UCHL3: variants seen among roughly 807,000 people sequenced by gnomAD.
UCHL3 encodes the protein ubiquitin carboxyl-terminal hydrolase isozyme L3.
A neutral mutation model predicts 35.8 loss-of-function variants in UCHL3; 22 were observed. The ratio of observed to expected loss-of-function variants is 0.61; its 90% confidence interval spans 0.44 to 0.88. The LOEUF is 0.88. UCHL3 is among the 40% of genes least tolerant of loss of function. UCHL3 has a pLI of 0.00. For missense variants in UCHL3, 229 were observed against 276.9 expected (o/e 0.83, Z 1.23); for synonymous variants, 90 against 92.8 (o/e 0.97, Z 0.17).
At chr13:75,603,381 G>C (rs550905231) in intron 7 of UCHL3, among the ~76,000 whole-genome samples, 1 of 152,272 alleles carries the variant, frequency 6.6e-6, no homozygotes, top group African/African-American at 2.4e-5. Flanking sequence ...TGCAGTCCCA[G>C]CTACTTGGGA....
chr13:75,592,970 C>G (rs1165764572), intron 6 of UCHL3, among the ~76,000 whole-genome samples: 1 of 152,082 alleles, frequency 6.6e-6, no homozygotes, highest in African/African-American at 2.4e-5. Context: ...CCAAGGCTTA[C>G]AGGGATTGGG....
At chr13:75,579,963 A>G (rs2032133904) in intron 6 of UCHL3, among the ~76,000 whole-genome samples, 1 of 152,174 alleles carries the variant, frequency 6.6e-6, no homozygotes, top group African/African-American at 2.4e-5. Flanking sequence ...TAACATTTAG[A>G]TGTACAGGTA....
Position 75,594,963 on chromosome 13 carries a change from C to A in UCHL3, c.523C>A (p.His175Asn). ...AGATCTTCATTTTATTGCATTAGTT[C>A]ATGTAGATGGGCATCTCTATGAATT... is the stretch of plus-strand genomic sequence containing the variant. ...KVDLHFIALV[H>N]VDGHLYELDG... The change falls in exon 7 of 9, where the codon CAT becomes AAT. Residue 175 changes from histidine to asparagine, a missense_variant. Transcript: ENST00000377595. 6.2e-7 allele frequency: 1 copy of A among 1,607,134 alleles called. No homozygotes were observed. The highest frequency in any genetic ancestry group is 1.1e-5 in the South Asian group (1 of 89,338).
chr13:75,552,852 G>A (rs938471083), intron 2 of UCHL3, among the ~76,000 whole-genome samples: 3 of 152,054 alleles, frequency 2.0e-5, no homozygotes, highest in Admixed American at 6.5e-5. Flanking sequence ...ATTATTTTTT[G>A]TGATTTGAGT....
intron 6 of UCHL3, among the ~76,000 whole-genome samples, chr13:75,589,078 T>C (rs747574140): frequency 1.3e-5 from 2 of 152,216 alleles, no homozygotes; most frequent in Non-Finnish European, 2.9e-5. Flanking sequence ...CATGTTAGCA[T>C]TAACATATTT....
intron 6 of UCHL3, among the ~76,000 whole-genome samples, chr13:75,579,785 T>C (rs967823142): frequency 6.6e-6 from 1 of 152,164 alleles, no homozygotes; most frequent in African/African-American, 2.4e-5. Flanking sequence ...TTTCTGTTAG[T>C]TTTGTTTTAT....
At chr13:75,580,837 A>G (rs2032160052) in intron 6 of UCHL3, among the ~76,000 whole-genome samples, 1 of 152,212 alleles carries the variant, frequency 6.6e-6, no homozygotes, top group African/African-American at 2.4e-5. Context: ...CTGTGCTCTT[A>G]AGGCAACAAA....
chr13:75,591,166 C>A (rs1203916256), intron 6 of UCHL3, among the ~76,000 whole-genome samples: 1 of 152,084 alleles, frequency 6.6e-6, no homozygotes, highest in Non-Finnish European at 1.5e-5. Flanking sequence ...TCTTTCCTTC[C>A]CCTTATTTAC....
At chr13:75,589,664 T>C (rs1391942469) in intron 6 of UCHL3, among the ~76,000 whole-genome samples, 1 of 152,216 alleles carries the variant, frequency 6.6e-6, no homozygotes, top group Non-Finnish European at 1.5e-5. Flanking sequence ...TTTTACATAT[T>C]AATTTCCATG....
intron 2 of UCHL3, among the ~76,000 whole-genome samples, chr13:75,559,334 C>A (rs1045286626): frequency 7.1e-6 from 1 of 141,448 alleles, no homozygotes; most frequent in African/African-American, 2.6e-5. Flanking sequence ...GCCACCGCGC[C>A]CGGCCCTCAG....
intron 6 of UCHL3, among the ~76,000 whole-genome samples, chr13:75,582,773 A>G (rs899428950): frequency 6.6e-6 from 1 of 152,242 alleles, no homozygotes; most frequent in Non-Finnish European, 1.5e-5. Context: ...TAACAATTGC[A>G]TTAACAGTTA....
At chr13:75,588,074 A>G (rs896331446) in intron 6 of UCHL3, among the ~76,000 whole-genome samples, 1 of 152,026 alleles carries the variant, frequency 6.6e-6, no homozygotes, top group Non-Finnish European at 1.5e-5. Flanking sequence ...GCCAATACCC[A>G]TGAAAAAGTA....
At chr13:75,576,354 C>G (rs564683533) in intron 6 of UCHL3, among the ~76,000 whole-genome samples, 1 of 152,304 alleles carries the variant, frequency 6.6e-6, no homozygotes, top group Non-Finnish European at 1.5e-5. Context: ...CTCAGCCTCT[C>G]AAGTAGCTGG....
chr13:75,554,763 T>A (rs2031236226), intron 2 of UCHL3, among the ~76,000 whole-genome samples: 1 of 152,250 alleles, frequency 6.6e-6, no homozygotes, highest in Non-Finnish European at 1.5e-5. Context: ...TTTGTTTTTT[T>A]AAACTTTTAG....
At chr13:75,582,896 C>T (rs2032224180) in intron 6 of UCHL3, among the ~76,000 whole-genome samples, 1 of 152,114 alleles carries the variant, frequency 6.6e-6, no homozygotes, top group Non-Finnish European at 1.5e-5. Context: ...AAAGTCCTTC[C>T]ATCTCTTGAA....
At chr13:75,582,203 G>A (rs750112575) in intron 6 of UCHL3, among the ~76,000 whole-genome samples, 14 of 152,048 alleles carry the variant, frequency 9.2e-5, no homozygotes, top group Non-Finnish European at 1.3e-4. Context: ...ATGTGTGTGT[G>A]TGTTTAAACT....
intron 6 of UCHL3, 88 bp from the exon 7 acceptor site, chr13:75,594,827 T>A: frequency 1.1e-6 from 1 of 913,466 alleles, no homozygotes; most frequent in Non-Finnish European, 1.7e-6. Context: ...CTTATATAAT[T>A]TGATGTTATT....
intron 6 of UCHL3, among the ~76,000 whole-genome samples, chr13:75,570,194 A>G (rs2031809720): frequency 6.6e-6 from 1 of 152,222 alleles, no homozygotes; most frequent in Non-Finnish European, 1.5e-5. Flanking sequence ...CCAGAGAATT[A>G]GAGGTTTTCT....
At chr13:75,592,271 A>T (rs535761778) in intron 6 of UCHL3, among the ~76,000 whole-genome samples, 4 of 150,554 alleles carry the variant, frequency 2.7e-5, no homozygotes, top group South Asian at 2.1e-4. Context: ...CAATGGTACT[A>T]TTTATACTAA....
Sources: allele counts gnomAD v4.1 joint callset (sites outside exome capture counted in the v4.1 genomes callset), GRCh38; gene constraint gnomAD v4.1.1; transcripts MANE v1.5; gene names NCBI Gene and HGNC (gene_info 2026-07-23, HGNC 2026-07-21).